The following LIMCH1 variants were observed in gnomAD, a reference collection of about 807,000 sequenced individuals.
LIMCH1 encodes LIM and calponin homology domains 1, also known as LIM and calponin homology domains-containing protein 1.
Under a neutral mutation model 176.5 loss-of-function variants are expected in LIMCH1, and 113 were observed. The ratio of observed to expected loss-of-function variants is 0.64; its 90% CI spans 0.55 to 0.75. The LOEUF is 0.75. LIMCH1 is among the 30% of genes least tolerant of loss of function. The pLI, the probability that LIMCH1 is intolerant of heterozygous loss-of-function variation, is 0.00. For missense variants in LIMCH1, 1,674 were observed against 1,814.9 expected, an observed-to-expected ratio of 0.92 and a Z score of 1.41; for synonymous variants, 619 against 645.9, an observed-to-expected ratio of 0.96 and a Z score of 0.63.
intron 28 of LIMCH1, 97 bp from the exon 29 acceptor site, chr4:41,687,743 T>A: frequency 1.3e-6 from 1 of 765,150 alleles, no homozygotes. Context: ...ACAAAAGTTT[T>A]ATTTTATTTT....
chr4:41,501,431 A>G (rs1222359536), intron 2 of LIMCH1, among the ~76,000 whole-genome samples: 1 of 152,226 alleles, frequency 6.6e-6, no homozygotes, highest in Non-Finnish European at 1.5e-5. Flanking sequence ...TAGAAGGCCG[A>G]AAAGATTCCC....
chr4:41,569,505 C>A (rs1561782779), intron 1 of LIMCH1, among the ~76,000 whole-genome samples: 1 of 152,156 alleles, frequency 6.6e-6, no homozygotes, highest in Non-Finnish European at 1.5e-5. Flanking sequence ...AAGGGAGCTT[C>A]CTCTACTTGG....
intron 7 of LIMCH1, among the ~76,000 whole-genome samples, chr4:41,625,606 G>A (rs1197213460): frequency 1.3e-5 from 2 of 152,102 alleles, no homozygotes; most frequent in African/African-American, 2.4e-5. Context: ...CAATGATACG[G>A]AAACTTTCTT....
intron 1 of LIMCH1, among the ~76,000 whole-genome samples, chr4:41,471,790 A>G (rs1460805129): frequency 1.3e-5 from 2 of 152,110 alleles, no homozygotes; most frequent in African/African-American, 4.8e-5. Context: ...TACCTTTTTG[A>G]CTTACTCATT....
At chr4:41,693,900 A>G (rs714145) in intron 31 of LIMCH1, among the ~76,000 whole-genome samples, 1,814 of 152,292 alleles carry the variant, frequency 0.012, 32 homozygotes, top group African/African-American at 0.041. Context: ...AAGGATGCCA[A>G]CAGAACAACC....
chr4:41,526,524 C>T (rs1048760054), intron 3 of LIMCH1, among the ~76,000 whole-genome samples: 6 of 152,080 alleles, frequency 3.9e-5, no homozygotes, highest in Admixed American at 1.3e-4. Context: ...ATCGCCATCC[C>T]GCAACCCCCT....
intron 18 of LIMCH1, among the ~76,000 whole-genome samples, chr4:41,651,595 C>A (rs1426174218): frequency 6.6e-6 from 1 of 152,118 alleles, no homozygotes; most frequent in African/African-American, 2.4e-5. Flanking sequence ...TACCTTTTCC[C>A]CCCCTGTTTA....
At chr4:41,564,118 A>G (rs2082406407) in intron 1 of LIMCH1, among the ~76,000 whole-genome samples, 1 of 152,180 alleles carries the variant, frequency 6.6e-6, no homozygotes, top group Non-Finnish European at 1.5e-5. Context: ...AGCTCTCCTT[A>G]TGTACTTTGT....
intron 18 of LIMCH1, among the ~76,000 whole-genome samples, chr4:41,660,834 T>A (rs185150442): frequency 7.6e-4 from 115 of 152,258 alleles, no homozygotes; most frequent in African/African-American, 2.6e-3. Context: ...TTGAAATCTT[T>A]CAGAATGACC....
intron 1 of LIMCH1, among the ~76,000 whole-genome samples, chr4:41,436,318 C>T (rs1035643638): frequency 6.6e-6 from 1 of 152,118 alleles, no homozygotes; most frequent in African/African-American, 2.4e-5. Flanking sequence ...GAGTATACCT[C>T]CAGTTTACCT....
At chr4:41,422,368 A>G (rs2060680027) in intron 1 of LIMCH1, among the ~76,000 whole-genome samples, 2 of 152,034 alleles carry the variant, frequency 1.3e-5, no homozygotes, top group Non-Finnish European at 2.9e-5. Flanking sequence ...TTGAATTTTT[A>G]GTAGTGACGA....
intron 18 of LIMCH1, among the ~76,000 whole-genome samples, chr4:41,656,815 C>G (rs922903648): frequency 5.9e-5 from 9 of 152,138 alleles, no homozygotes; most frequent in African/African-American, 2.2e-4. Context: ...ATCACTTGTT[C>G]CAACCCATAG....
At chr4:41,472,215 A>G (rs567537843) in intron 1 of LIMCH1, among the ~76,000 whole-genome samples, 1 of 152,260 alleles carries the variant, frequency 6.6e-6, no homozygotes, top group South Asian at 2.1e-4. Context: ...ACATTTTTTT[A>G]AAGTACCATG....
intron 29 of LIMCH1, among the ~76,000 whole-genome samples, chr4:41,688,283 A>AC (rs564335706): frequency 2.0e-5 from 3 of 152,234 alleles, no homozygotes; most frequent in Non-Finnish European, 4.4e-5. Context: ...GATGGCTCTT[A>AC]CAGAGAACCA....
intron 2 of LIMCH1, among the ~76,000 whole-genome samples, chr4:41,512,509 A>T (rs1325340560): frequency 1.3e-5 from 2 of 152,246 alleles, no homozygotes; most frequent in East Asian, 1.9e-4. Flanking sequence ...CCAAATGTCC[A>T]CAGAGTGATG....
At chr4:41,591,383 A>G (rs1467966946) in intron 1 of LIMCH1, among the ~76,000 whole-genome samples, 1 of 152,058 alleles carries the variant, frequency 6.6e-6, no homozygotes, top group Non-Finnish European at 1.5e-5. Flanking sequence ...CTGGGACTAC[A>G]GGCATGCTCC....
intron 1 of LIMCH1, among the ~76,000 whole-genome samples, chr4:41,480,084 C>T (rs1253502060): frequency 1.3e-5 from 2 of 151,364 alleles, no homozygotes; most frequent in African/African-American, 2.4e-5. Context: ...TCAGTAAGTA[C>T]TAAGTGTCCT....
intron 1 of LIMCH1, among the ~76,000 whole-genome samples, chr4:41,366,448 C>T (rs532676830): frequency 8.5e-5 from 13 of 152,234 alleles, no homozygotes; most frequent in Admixed American, 8.5e-4. Flanking sequence ...AATAGAACAC[C>T]TCATATGTTC....
At position 41,626,854 on chromosome 4, in the gene LIMCH1, T is replaced by C. The variant is rs2092988342; in HGVS notation, c.872T>C (p.Phe291Ser). ...CTGCCTGATCTTGAGAAGGATGACT[T>C]TGCTGCAAGGAGAGCAAGGATGAAC... ...CRLPDLEKDD[F>S]AARRARMNQT... The change falls in exon 8 of 32, where the codon TTT becomes TCT. Residue 291 changes from phenylalanine to serine, a missense_variant. Physicochemically the swap from Phe to Ser is radical, Grantham distance 155. This residue lies in a region of LIMCH1 where 655 missense variants were observed against 692.2 expected (regional missense o/e 0.95). Coordinates refer to ENST00000503057, the MANE Select transcript of LIMCH1 (RefSeq NM_001330672.2). 3.3e-6 allele frequency: 5 copies of C among 1,536,036 alleles called. No homozygotes were observed. Among genetic ancestry groups the C allele is most frequent in the Non-Finnish European group, 3.5e-6 (4 of 1,146,934 alleles).
Sources: gnomAD v4.1 joint callset for allele counts (sites outside exome capture counted in the v4.1 genomes callset) on GRCh38, gnomAD v4.1.1 for gene constraint, gnomAD v4.1.1 regional missense constraint, MANE v1.5 for transcripts, NCBI Gene and HGNC (gene_info 2026-07-23, HGNC 2026-07-21) for gene names.